The following DLG2 variants were observed in gnomAD, a reference collection of about 807,000 sequenced individuals.
The protein encoded by DLG2 is disks large homolog 2.
A neutral mutation model predicts 132.5 loss-of-function variants in DLG2; 45 were observed. The observed-to-expected ratio is 0.34, with a 90% CI of 0.27 to 0.44. DLG2 has a LOEUF of 0.44. Among genes scored for constraint, DLG2 ranks in the 20% least tolerant of loss-of-function variants. DLG2 has a pLI of 1.00. For synonymous variants in DLG2, 424 were observed against 419.6 expected, an observed-to-expected ratio of 1.01 and a Z score of -0.13; for missense variants, 1,045 against 1,196.9, an observed-to-expected ratio of 0.87 and a Z score of 1.87.
At chr11:83,857,100 T>C (rs2154040340) in intron 16 of DLG2, among the ~76,000 whole-genome samples, 1 of 152,358 alleles carries the variant, frequency 6.6e-6, no homozygotes, top group South Asian at 2.1e-4. Flanking sequence ...CCATTGCTTA[T>C]TTTTGTCAGG....
chr11:84,343,598 TTCAACAG>T (rs1473666783), intron 7 of DLG2, among the ~76,000 whole-genome samples: 2 of 152,170 alleles, frequency 1.3e-5, no homozygotes, highest in African/African-American at 4.8e-5. Context: ...TGGAGAAGTG[TTCAACAG>T]GGGATGGGCA....
At chr11:84,126,529 A>AT (rs1412634023) in intron 9 of DLG2, among the ~76,000 whole-genome samples, 1 of 152,202 alleles carries the variant, frequency 6.6e-6, no homozygotes, top group African/African-American at 2.4e-5. Flanking sequence ...GATGGGTTGT[A>AT]TATAAAGATT....
At chr11:83,828,463 G>A (rs188830659) in intron 17 of DLG2, among the ~76,000 whole-genome samples, 62 of 152,338 alleles carry the variant, frequency 4.1e-4, no homozygotes, top group Non-Finnish European at 7.9e-4. Context: ...TTATGTAAGG[G>A]TTTGGTGGTC....
intron 6 of DLG2, among the ~76,000 whole-genome samples, chr11:84,849,402 C>T (rs1238259739): frequency 6.6e-6 from 1 of 152,130 alleles, no homozygotes; most frequent in East Asian, 1.9e-4. Flanking sequence ...AAATCCTTCC[C>T]ATTACATTTA....
intron 3 of DLG2, among the ~76,000 whole-genome samples, chr11:85,471,438 T>G (rs907930924): frequency 4.6e-5 from 7 of 152,068 alleles, no homozygotes; most frequent in Admixed American, 3.9e-4. Flanking sequence ...TGAAAAGGAC[T>G]ATAAAATGAT....
chr11:84,821,204 C>T (rs921117543), intron 6 of DLG2, among the ~76,000 whole-genome samples: 52 of 151,790 alleles, frequency 3.4e-4, no homozygotes, highest in African/African-American at 1.2e-3. Context: ...AGACAACAGA[C>T]GAACAACTGT....
intron 7 of DLG2, among the ~76,000 whole-genome samples, chr11:84,458,458 A>C (rs2099071288): frequency 1.3e-5 from 2 of 150,810 alleles, no homozygotes; most frequent in African/African-American, 4.8e-5. Flanking sequence ...TCTTTGCCAA[A>C]TTGATAGCTT....
intron 6 of DLG2, among the ~76,000 whole-genome samples, chr11:84,681,537 T>C (rs2099730006): frequency 6.6e-6 from 1 of 152,160 alleles, no homozygotes; most frequent in African/African-American, 2.4e-5. Context: ...AATGTGTGGT[T>C]CCAAGGTCTC....
At chr11:85,401,500 A>C (rs184340852) in intron 3 of DLG2, among the ~76,000 whole-genome samples, 1 of 152,314 alleles carries the variant, frequency 6.6e-6, no homozygotes, top group African/African-American at 2.4e-5. Flanking sequence ...GCAATCAGGC[A>C]GAAGAAAGAA....
At chr11:85,042,597 T>C (rs2061972408) in intron 6 of DLG2, among the ~76,000 whole-genome samples, 1 of 151,978 alleles carries the variant, frequency 6.6e-6, no homozygotes, top group African/African-American at 2.4e-5. Context: ...GGCATGTGAA[T>C]CTCTAAGAAG....
At chr11:85,151,042 T>C (rs1235823955) in intron 5 of DLG2, among the ~76,000 whole-genome samples, 2 of 152,216 alleles carry the variant, frequency 1.3e-5, no homozygotes, top group African/African-American at 2.4e-5. Context: ...TATTTTCTGT[T>C]ATTTTGACAG....
rs148687699 is a variant in DLG2 at position 84,665,531 on chromosome 11, T to C, written c.358-130800A>G. ...TAATCCTTCTGGAATTCCCCTTCAG[T>C]CCTTTCTCACTTAGAAAACTCCTAT... On this transcript the variant is annotated intron_variant, in intron 6 of 27. Coordinates refer to ENST00000376104, the MANE Select transcript of DLG2 (RefSeq NM_001142699.3). Among the ~76,000 whole-genome samples the C allele has an allele frequency of 7.0e-3, 1,065 of 152,224 alleles. 10 individuals carry two copies. The highest frequency in any genetic ancestry group is 0.024 in the African/African-American group (999 of 41,540).
chr11:85,391,591 G>C (rs2086802487), intron 3 of DLG2, among the ~76,000 whole-genome samples: 2 of 152,040 alleles, frequency 1.3e-5, no homozygotes, highest in Non-Finnish European at 2.9e-5. Context: ...CATCCACCAT[G>C]ATCAAGTGGA....
intron 8 of DLG2, among the ~76,000 whole-genome samples, chr11:84,171,851 T>C (rs1289539441): frequency 6.6e-6 from 1 of 152,120 alleles, no homozygotes; most frequent in Non-Finnish European, 1.5e-5. Context: ...ACAAAACACA[T>C]TACAAAAGCC....
At chr11:84,965,522 G>A (rs1377882378) in intron 6 of DLG2, among the ~76,000 whole-genome samples, 1 of 151,908 alleles carries the variant, frequency 6.6e-6, no homozygotes, top group Non-Finnish European at 1.5e-5. Context: ...TATGGATGAG[G>A]GGTCATCAAG....
chr11:84,216,683 C>T (rs1362377085), intron 8 of DLG2, among the ~76,000 whole-genome samples: 2 of 152,066 alleles, frequency 1.3e-5, no homozygotes. Flanking sequence ...CAATGGAAAG[C>T]ATGAAGGAGA....
intron 6 of DLG2, among the ~76,000 whole-genome samples, chr11:85,019,636 C>T (rs1361268622): frequency 2.6e-5 from 4 of 152,194 alleles, no homozygotes; most frequent in South Asian, 2.1e-4. Context: ...CACCCCACAA[C>T]AGGCCCAGTG....
At chr11:83,593,024 GA>G (rs1458108293) in intron 19 of DLG2, among the ~76,000 whole-genome samples, 1 of 116,606 alleles carries the variant, frequency 8.6e-6, no homozygotes, top group East Asian at 2.5e-4. Context: ...GGAGAAATAG[GA>G]ACACTTTTAC....
At chr11:85,115,081 G>GT (rs897776675) in intron 5 of DLG2, among the ~76,000 whole-genome samples, 1 of 151,676 alleles carries the variant, frequency 6.6e-6, no homozygotes, top group African/African-American at 2.4e-5. Flanking sequence ...AAACAAAGGA[G>GT]TTTTTTTTCG....
Sources: allele counts gnomAD v4.1 joint callset (sites outside exome capture counted in the v4.1 genomes callset), GRCh38; gene constraint gnomAD v4.1.1; transcripts MANE v1.5; gene names NCBI Gene and HGNC (gene_info 2026-07-23, HGNC 2026-07-21).